The following STARD3NL variants were observed in gnomAD, a reference collection of about 807,000 sequenced individuals.
STARD3NL encodes STARD3 N-terminal-like protein.
A neutral mutation model predicts 30.9 loss-of-function variants in STARD3NL; 17 were observed. That is an observed-to-expected ratio of 0.55 (90% CI 0.38 to 0.82). STARD3NL has a LOEUF of 0.82. STARD3NL is among the 40% of genes least tolerant of loss of function. The pLI, the probability that STARD3NL is intolerant of heterozygous loss-of-function variation, is 0.00. For missense variants in STARD3NL, 234 were observed against 277.6 expected, an observed-to-expected ratio of 0.84 and a Z score of 1.12; for synonymous variants, 112 against 100.5, an observed-to-expected ratio of 1.11 and a Z score of -0.69.
chr7:38,209,545 A>T (rs192945334), intron 2 of STARD3NL, among the ~76,000 whole-genome samples: 7 of 152,190 alleles, frequency 4.6e-5, no homozygotes, highest in Admixed American at 3.9e-4. Context: ...TGCCCTCCCA[A>T]AGTGCTGGGA....
chr7:38,203,625 A>T (rs1294997321), intron 1 of STARD3NL, among the ~76,000 whole-genome samples: 3 of 152,218 alleles, frequency 2.0e-5, no homozygotes, highest in Admixed American at 6.5e-5. Context: ...TTCACACATA[A>T]CAATATTAAC....
At chr7:38,218,886 T>C (rs2116372540) in intron 6 of STARD3NL, among the ~76,000 whole-genome samples, 1 of 152,338 alleles carries the variant, frequency 6.6e-6, no homozygotes, top group Non-Finnish European at 1.5e-5. Flanking sequence ...TCTTTATATA[T>C]TTATAAAAGG....
intron 1 of STARD3NL, among the ~76,000 whole-genome samples, chr7:38,184,851 T>G (rs982713630): frequency 1.1e-4 from 16 of 149,034 alleles, no homozygotes; most frequent in African/African-American, 3.4e-4. Context: ...ATACTATATA[T>G]ATGTATTTCC....
At chr7:38,208,200 C>G (rs1475848982) in intron 2 of STARD3NL, among the ~76,000 whole-genome samples, 2 of 152,182 alleles carry the variant, frequency 1.3e-5, no homozygotes, top group Non-Finnish European at 2.9e-5. Context: ...CATCCTTCCT[C>G]CAGAAAATGT....
chr7:38,210,575 G>A (rs1007022782), intron 2 of STARD3NL, among the ~76,000 whole-genome samples: 1 of 152,106 alleles, frequency 6.6e-6, no homozygotes, highest in Non-Finnish European at 1.5e-5. Context: ...TCAAAAGGAT[G>A]GTTTTGATTC....
chr7:38,219,422 G>A (rs1786319362), intron 6 of STARD3NL, 143 bp from the exon 7 acceptor site: 1 of 544,078 alleles, frequency 1.8e-6, no homozygotes, highest in African/African-American at 1.9e-5. Context: ...GAAACTTATT[G>A]TTTGGTTGAA....
At chr7:38,225,256 A>T (rs1380471535) in intron 7 of STARD3NL, among the ~76,000 whole-genome samples, 6 of 152,182 alleles carry the variant, frequency 3.9e-5, no homozygotes, top group Non-Finnish European at 7.3e-5. Flanking sequence ...GTGTTTTCAT[A>T]TATGATTTAC....
chr7:38,215,031 CT>C lies in STARD3NL; in HGVS notation c.308del (p.Leu103ArgfsTer9). 6.2e-7 allele frequency: 1 copy of C among 1,613,706 alleles called. No individual in the cohort carries two copies. The highest frequency in any genetic ancestry group is 8.5e-7 in the Non-Finnish European group (1 of 1,179,774). On this transcript the variant is annotated frameshift_variant, in exon 4 of 9. Transcript: ENST00000009041. LOFTEE classifies it high-confidence loss of function. The stretch of plus-strand genomic sequence containing the variant: ...CCCTTTATTTTCTTACTTTCAGCTT[CT>C]GGCAGTTTTTCGATTTAAAGTGTTA... ...YYSSYFDIFL[L>X]AVFRFKVLIL...
chr7:38,193,892 G>T (rs1237655282), intron 1 of STARD3NL, among the ~76,000 whole-genome samples: 3 of 152,016 alleles, frequency 2.0e-5, no homozygotes, highest in Non-Finnish European at 4.4e-5. Context: ...TTCTTGTGTT[G>T]TTACATGTTC....
At chr7:38,190,524 T>C (rs979968924) in intron 1 of STARD3NL, among the ~76,000 whole-genome samples, 5 of 152,250 alleles carry the variant, frequency 3.3e-5, no homozygotes, top group Admixed American at 3.3e-4. Context: ...AAAACAGCCT[T>C]ATGCCCTTAC....
intron 7 of STARD3NL, among the ~76,000 whole-genome samples, chr7:38,227,385 A>G (rs1256146519): frequency 6.6e-6 from 1 of 152,236 alleles, no homozygotes; most frequent in Non-Finnish European, 1.5e-5. Context: ...TAAAGTCTTC[A>G]ACAGTTAAGT....
intron 1 of STARD3NL, among the ~76,000 whole-genome samples, chr7:38,183,032 T>C (rs1263228348): frequency 1.3e-5 from 2 of 152,234 alleles, no homozygotes. Flanking sequence ...CAGGAAAATA[T>C]ATTCTCAGAA....
At chr7:38,197,133 CTTTTTTCTTTCTTTCTTTCT>C (rs1273155622) in intron 1 of STARD3NL, among the ~76,000 whole-genome samples, 12 of 92,606 alleles carry the variant, frequency 1.3e-4, no homozygotes, top group East Asian at 4.7e-4. Context: ...ATAGCATTAC[CTTTTTTCTTTCTTTCTTTCT>C]TTCTTTCTTT....
chr7:38,186,368 G>C (rs577946257), intron 1 of STARD3NL, among the ~76,000 whole-genome samples: 2 of 152,146 alleles, frequency 1.3e-5, no homozygotes, highest in Non-Finnish European at 2.9e-5. Context: ...AAAAGTTCTG[G>C]AAAAAGATAG....
In STARD3NL at chr7:38,193,201, G is replaced by A. The variant is rs137868230; in HGVS notation, c.-58-14246G>A. On this transcript the variant is annotated intron_variant, in intron 1 of 8. Transcript: ENST00000009041. ...TTTTGGCCTAAATGAATTGTAAGTT[G>A]TGTTCGTGCATGCTTTTGAAATGCA... is the stretch of plus-strand genomic sequence containing the variant. Among the ~76,000 whole-genome samples, 88 of 152,272 alleles carry A rather than the reference G, an allele frequency of 5.8e-4. No homozygotes were observed. In the East Asian group the frequency reaches 0.016, roughly 28 times the overall value.
rs192701278 is a variant in STARD3NL at position 38,217,012 on chromosome 7, A to G, written c.382-13A>G. ...TGCCTAGTGTGAACAGTGCTGGATT[A>G]TGTGTCTTGCAGTTGACAACGGCAG... On this transcript the variant is annotated splice_polypyrimidine_tract_variant and intron_variant, in intron 4 of 8. Transcript: ENST00000009041. 59 of 1,614,010 alleles carry G rather than the reference A, an allele frequency of 3.7e-5. 1 individual carries two copies. The East Asian group carries it at 1.2e-3, about 32-fold the overall frequency.
chr7:38,196,713 A>G (rs1350797594), intron 1 of STARD3NL, among the ~76,000 whole-genome samples: 1 of 152,212 alleles, frequency 6.6e-6, no homozygotes, highest in Non-Finnish European at 1.5e-5. Flanking sequence ...AATTTTTCAC[A>G]TAATATTTTG....
At chr7:38,197,194 TTTTCTCTCTCTCTCTTTCCCTCTC>T (rs1562603697) in intron 1 of STARD3NL, among the ~76,000 whole-genome samples, 16 of 143,622 alleles carry the variant, frequency 1.1e-4, no homozygotes, top group South Asian at 4.5e-4. Flanking sequence ...CTTTCTTTCT[TTTTCTCTCTCTCTCTTTCCCTCTC>T]TCTTTCTTTC....
At chr7:38,217,699 T>C (rs1786205528) in intron 6 of STARD3NL, among the ~76,000 whole-genome samples, 1 of 152,128 alleles carries the variant, frequency 6.6e-6, no homozygotes. Flanking sequence ...TCAGAGAAAA[T>C]AAAACCAATT....
Sources: gnomAD v4.1 joint callset for allele counts (sites outside exome capture counted in the v4.1 genomes callset) on GRCh38, gnomAD v4.1.1 for gene constraint, MANE v1.5 for transcripts, NCBI Gene and HGNC (gene_info 2026-07-23, HGNC 2026-07-21) for gene names.